The following BCKDHB variants were observed in gnomAD, a reference collection of about 807,000 sequenced individuals.
BCKDHB encodes the protein branched chain keto acid dehydrogenase E1 subunit beta, also known as 2-oxoisovalerate dehydrogenase subunit beta, mitochondrial.
BCKDHB carries 41 observed loss-of-function variants against 48.5 expected under a neutral mutation model. The observed-to-expected ratio is 0.85, with a 90% CI of 0.66 to 1.10. The LOEUF (loss-of-function observed/expected upper bound fraction) is 1.10, where lower values mean the gene tolerates loss of function less well. BCKDHB is among the 50% of genes least tolerant of loss of function. The pLI is 0.00. For missense variants in BCKDHB, 496 were observed against 494.2 expected (o/e 1.00, Z -0.03); for synonymous variants, 201 against 174.8 (o/e 1.15, Z -1.18).
At chr6:80,402,509 A>G in the BCKDHB span, among the ~76,000 whole-genome samples, 1 of 151,888 alleles carries the variant, frequency 6.6e-6, no homozygotes, top group Non-Finnish European at 1.5e-5. Flanking sequence ...TTTTAATATT[A>G]ACTCATCATC....
At chr6:80,305,969 T>C (rs1200923494) in intron 9 of BCKDHB, among the ~76,000 whole-genome samples, 1 of 152,192 alleles carries the variant, frequency 6.6e-6, no homozygotes, top group Non-Finnish European at 1.5e-5. Context: ...CTACTTCTTA[T>C]TTGCTGGGTG....
chr6:80,295,756 G>A (rs1034993124), intron 9 of BCKDHB, among the ~76,000 whole-genome samples: 3 of 151,988 alleles, frequency 2.0e-5, no homozygotes, highest in African/African-American at 7.3e-5. Context: ...TTGTTCAGGG[G>A]AACTCCTCTT....
chr6:80,291,629 T>C (rs1766920120), intron 9 of BCKDHB, among the ~76,000 whole-genome samples: 1 of 152,184 alleles, frequency 6.6e-6, no homozygotes, highest in Non-Finnish European at 1.5e-5. Flanking sequence ...AGAATATTGA[T>C]CTAATTTCTA....
the BCKDHB span, among the ~76,000 whole-genome samples, chr6:80,423,976 G>C: frequency 6.6e-6 from 1 of 152,152 alleles, no homozygotes; most frequent in African/African-American, 2.4e-5. Context: ...TGTCCCAGTT[G>C]CTATCAGTTC....
intron 3 of BCKDHB, among the ~76,000 whole-genome samples, chr6:80,130,166 A>G (rs1468609652): frequency 6.6e-6 from 1 of 152,130 alleles, no homozygotes; most frequent in African/African-American, 2.4e-5. Context: ...TTGACCTCCT[A>G]TTGTTAGGGA....
At chr6:80,449,749 TC>T in the BCKDHB span, among the ~76,000 whole-genome samples, 1 of 152,186 alleles carries the variant, frequency 6.6e-6, no homozygotes, top group African/African-American at 2.4e-5. Flanking sequence ...AAGATGTATT[TC>T]CCCTTTTATA....
chr6:80,212,256 C>T (rs1774971432), intron 8 of BCKDHB, among the ~76,000 whole-genome samples: 1 of 152,068 alleles, frequency 6.6e-6, no homozygotes, highest in East Asian at 1.9e-4. Context: ...GAGACCAGGG[C>T]GTATCTCAGT....
At chr6:80,115,576 A>G (rs1769646832) in intron 1 of BCKDHB, among the ~76,000 whole-genome samples, 1 of 151,554 alleles carries the variant, frequency 6.6e-6, no homozygotes, top group African/African-American at 2.4e-5. Context: ...ATCATTCATC[A>G]TACTTCACCA....
chr6:80,157,748 G>C (rs1582253551), intron 3 of BCKDHB, among the ~76,000 whole-genome samples: 1 of 151,750 alleles, frequency 6.6e-6, no homozygotes, highest in Non-Finnish European at 1.5e-5. Flanking sequence ...CAAAGTGCTG[G>C]GATTACAGGT....
At chr6:80,245,428 G>T (rs767016503) in intron 8 of BCKDHB, among the ~76,000 whole-genome samples, 2 of 152,098 alleles carry the variant, frequency 1.3e-5, no homozygotes, top group Non-Finnish European at 2.9e-5. Flanking sequence ...AAAGTGAGAG[G>T]CTGGAACACA....
At chr6:80,311,152 A>T (rs1163722491) in intron 9 of BCKDHB, among the ~76,000 whole-genome samples, 4 of 151,400 alleles carry the variant, frequency 2.6e-5, no homozygotes, top group Non-Finnish European at 5.9e-5. Context: ...GATGGTTTTA[A>T]AAAGGGGAGT....
intron 8 of BCKDHB, among the ~76,000 whole-genome samples, chr6:80,230,779 A>G (rs1421876895): frequency 1.3e-5 from 2 of 152,168 alleles, no homozygotes; most frequent in African/African-American, 4.8e-5. Context: ...CGTGCAAGAG[A>G]GAGAAGGAAG....
chr6:80,446,005 C>T, the BCKDHB span, among the ~76,000 whole-genome samples: 2 of 152,060 alleles, frequency 1.3e-5, no homozygotes, highest in Admixed American at 6.5e-5. Context: ...GGGAGCAGTA[C>T]AATACAGCTG....
At chr6:80,452,190 T>A in the BCKDHB span, among the ~76,000 whole-genome samples, 1 of 152,192 alleles carries the variant, frequency 6.6e-6, no homozygotes, top group East Asian at 1.9e-4. Flanking sequence ...TTACATCACA[T>A]CTGCCCATGT....
chr6:80,297,695 G>A (rs113304056), intron 9 of BCKDHB, among the ~76,000 whole-genome samples: 2,331 of 152,318 alleles, frequency 0.015, 80 homozygotes, highest in African/African-American at 0.053. Context: ...TCAGTGGAGA[G>A]TGAGGACATT....
the BCKDHB span, among the ~76,000 whole-genome samples, chr6:80,448,320 T>G: frequency 2.6e-5 from 4 of 152,198 alleles, no homozygotes; most frequent in Non-Finnish European, 4.4e-5. Context: ...TTTAGGATTT[T>G]TATACTGAGT....
At chr6:80,415,535 GT>G in the BCKDHB span, among the ~76,000 whole-genome samples, 2 of 152,088 alleles carry the variant, frequency 1.3e-5, no homozygotes, top group Non-Finnish European at 2.9e-5. Flanking sequence ...TAATCATGTG[GT>G]TTTTGTTTTT....
intron 8 of BCKDHB, among the ~76,000 whole-genome samples, chr6:80,232,640 A>G (rs932808306): frequency 1.4e-5 from 2 of 146,708 alleles, no homozygotes; most frequent in African/African-American, 2.5e-5. Flanking sequence ...TATGGTTACT[A>G]TGTAAATCAC....
intron 3 of BCKDHB, among the ~76,000 whole-genome samples, chr6:80,143,150 G>A (rs866850241): frequency 2.6e-5 from 4 of 152,088 alleles, no homozygotes; most frequent in African/African-American, 4.8e-5. Context: ...CACAAAGTCC[G>A]TTAAATTTCA....
Sources: gnomAD v4.1 joint callset for allele counts (sites outside exome capture counted in the v4.1 genomes callset) on GRCh38, gnomAD v4.1.1 for gene constraint, MANE v1.5 for transcripts, NCBI Gene and HGNC (gene_info 2026-07-23, HGNC 2026-07-21) for gene names.